TRIM24: variants seen among roughly 807,000 people sequenced by gnomAD.
TRIM24 encodes transcription intermediary factor 1-alpha.
TRIM24 carries 29 observed loss-of-function variants against 123.9 expected under a neutral mutation model. The observed-to-expected ratio is 0.23, with a 90% CI of 0.17 to 0.32. The LOEUF (loss-of-function observed/expected upper bound fraction) is 0.32, where lower values mean the gene tolerates loss of function less well. Among genes scored for constraint, TRIM24 ranks in the 10% least tolerant of loss-of-function variants. The pLI is 1.00. For synonymous variants in TRIM24, 456 were observed against 461.1 expected, an observed-to-expected ratio of 0.99 and a Z score of 0.14; for missense variants, 932 against 1,295.3, an observed-to-expected ratio of 0.72 and a Z score of 4.31.
At chr7:138,537,776 G>A (rs1796923849) in intron 6 of TRIM24, among the ~76,000 whole-genome samples, 2 of 152,264 alleles carry the variant, frequency 1.3e-5, no homozygotes, top group South Asian at 4.1e-4. Flanking sequence ...TAGCTCAAGT[G>A]TATTTTCCAA....
intron 2 of TRIM24, among the ~76,000 whole-genome samples, chr7:138,512,206 C>T (rs1414010886): frequency 1.3e-5 from 2 of 152,170 alleles, no homozygotes; most frequent in Admixed American, 6.5e-5. Flanking sequence ...GTTCAGCCCC[C>T]ACAGCTGCTC....
chr7:138,501,551 A>G (rs932458368), intron 1 of TRIM24, among the ~76,000 whole-genome samples: 1 of 152,034 alleles, frequency 6.6e-6, no homozygotes, highest in African/African-American at 2.4e-5. Context: ...TTATAATTTT[A>G]TGATACCACT....
At chr7:138,547,756 G>A (rs559767925) in intron 7 of TRIM24, among the ~76,000 whole-genome samples, 2 of 152,166 alleles carry the variant, frequency 1.3e-5, no homozygotes, top group Admixed American at 1.3e-4. Context: ...TGATTCTCCT[G>A]CCCCAGCCTC....
At chr7:138,531,387 GCCCC>G (rs1796741673) in intron 6 of TRIM24, among the ~76,000 whole-genome samples, 1 of 122,436 alleles carries the variant, frequency 8.2e-6, no homozygotes, top group African/African-American at 3.4e-5. Context: ...CCCACAACAG[GCCCC>G]GGTGTGTGAT....
At chr7:138,542,150 G>A (rs146401838) in intron 7 of TRIM24, among the ~76,000 whole-genome samples, 178 of 152,222 alleles carry the variant, frequency 1.2e-3, no homozygotes, top group African/African-American at 4.1e-3. Flanking sequence ...TAACACTTTC[G>A]ATTTCCTTCA....
At chr7:138,574,469 GT>G (rs1797716872) in intron 12 of TRIM24, among the ~76,000 whole-genome samples, 1 of 152,144 alleles carries the variant, frequency 6.6e-6, no homozygotes, top group Admixed American at 6.5e-5. Flanking sequence ...CATATGACAA[GT>G]TTATACAAAT....
chr7:138,466,782 G>T (rs1795151729), intron 1 of TRIM24, among the ~76,000 whole-genome samples: 1 of 152,056 alleles, frequency 6.6e-6, no homozygotes, highest in Non-Finnish European at 1.5e-5. Context: ...CTTTTGAAGA[G>T]CTAAAGGTTT....
At position 138,460,590 on chromosome 7, in the gene TRIM24, G is replaced by A; in HGVS notation, c.42G>A (p.Ala14=). The A allele has an allele frequency of 7.6e-7, 1 of 1,323,426 alleles. No homozygotes were observed. Among genetic ancestry groups the A allele is most frequent in the Non-Finnish European group, 9.6e-7 (1 of 1,047,016 alleles). The allele number at this position is 1,323,426 out of a possible 1,614,324, so 82.0% of individuals were successfully genotyped here. Residue 14 remains alanine (A), a synonymous_variant, in exon 1 of 19, where the codon GCG becomes GCA. Transcript: ENST00000343526. ...AVEKAVAAAA[A]ASAAASGGPS... ...AGAAGGCGGTGGCGGCGGCGGCAGC[G>A]GCCTCGGCTGCGGCCTCCGGGGGGC...
intron 9 of TRIM24, among the ~76,000 whole-genome samples, chr7:138,566,978 T>C (rs1353528637): frequency 6.6e-6 from 1 of 152,236 alleles, no homozygotes; most frequent in Non-Finnish European, 1.5e-5. Context: ...ATCTATAAAA[T>C]AGAAATAATC....
chr7:138,543,809 T>G (rs959514395), intron 7 of TRIM24, among the ~76,000 whole-genome samples: 1 of 151,948 alleles, frequency 6.6e-6, no homozygotes, highest in African/African-American at 2.4e-5. Flanking sequence ...GAGGTTTTTT[T>G]GGTTTATTCT....
chr7:138,576,307 ATT>A, intron 12 of TRIM24, 64 bp from the exon 13 acceptor site: 1 of 1,442,196 alleles, frequency 6.9e-7, no homozygotes, highest in East Asian at 2.3e-5. Context: ...AAGTGAACAC[ATT>A]CAACAGGACT....
At position 138,554,261 on chromosome 7, in the gene TRIM24, G is replaced by C. The variant is rs1340224395; in HGVS notation, c.1262-437G>C. On this transcript the variant is annotated intron_variant, in intron 8 of 18. Coordinates refer to ENST00000343526, the MANE Select transcript of TRIM24 (RefSeq NM_015905.3). The surrounding 1 kb of genome is among the most constrained non-coding windows in gnomAD (Gnocchi z 4.5). ...TCAGGTGCTGTCTGCCATACAGTGA[G>C]ACTGAAATTTTTTTCATATATTTTA... Among the ~76,000 whole-genome samples, 1 of 152,112 alleles carries C rather than the reference G, an allele frequency of 6.6e-6. No homozygotes were observed. The highest frequency in any genetic ancestry group is 1.5e-5 in the Non-Finnish European group (1 of 68,022).
At chr7:138,493,753 G>T (rs563989897) in intron 1 of TRIM24, among the ~76,000 whole-genome samples, 1 of 152,100 alleles carries the variant, frequency 6.6e-6, no homozygotes, top group Non-Finnish European at 1.5e-5. Flanking sequence ...TAGGAACGCT[G>T]TCCCCATGTT....
intron 1 of TRIM24, among the ~76,000 whole-genome samples, chr7:138,470,123 ATTTTTTTTTTTT>A (rs10542175): frequency 2.5e-5 from 2 of 81,398 alleles, no homozygotes; most frequent in East Asian, 3.8e-4. Flanking sequence ...TACAAGTATA[ATTTTTTTTTTTT>A]TTTTTTTTTT....
chr7:138,515,798 G>A (rs1796382117), intron 3 of TRIM24, among the ~76,000 whole-genome samples: 1 of 152,018 alleles, frequency 6.6e-6, no homozygotes, highest in African/African-American at 2.4e-5. Flanking sequence ...CCAGTTTTAT[G>A]TAATTATTAT....
chr7:138,467,668 T>G (rs1795176882), intron 1 of TRIM24, among the ~76,000 whole-genome samples: 1 of 152,218 alleles, frequency 6.6e-6, no homozygotes, highest in Non-Finnish European at 1.5e-5. Context: ...TATTGGTTCT[T>G]CCAATCTGTG....
intron 1 of TRIM24, among the ~76,000 whole-genome samples, chr7:138,463,491 G>T (rs1795059287): frequency 1.3e-5 from 2 of 151,646 alleles, no homozygotes; most frequent in African/African-American, 4.8e-5. Context: ...CACAGCCTCT[G>T]TAGGTGCTGG....
intron 3 of TRIM24, 82 bp downstream of exon 3, chr7:138,515,441 A>G (rs1796375283): frequency 1.4e-6 from 2 of 1,471,098 alleles, no homozygotes; most frequent in Non-Finnish European, 1.9e-6. Context: ...GTTTTGACAC[A>G]TTTGTTTTGA....
At chr7:138,553,342 T>G (rs1186473164) in intron 8 of TRIM24, among the ~76,000 whole-genome samples, 1 of 152,176 alleles carries the variant, frequency 6.6e-6, no homozygotes, top group East Asian at 1.9e-4. Context: ...TTTAGATAAG[T>G]TTTACAACCT....
Sources: gnomAD v4.1 joint callset for allele counts (sites outside exome capture counted in the v4.1 genomes callset) on GRCh38, gnomAD v4.1.1 for gene constraint, Gnocchi (gnomAD v3.1) non-coding constraint, MANE v1.5 for transcripts, NCBI Gene and HGNC (gene_info 2026-07-23, HGNC 2026-07-21) for gene names.